Variants in ACAN observed in about 807,000 individuals in gnomAD.
ACAN encodes aggrecan.
Under a neutral mutation model 169.1 loss-of-function variants are expected in ACAN, and 47 were observed. The ratio of observed to expected loss-of-function variants is 0.28; its 90% CI spans 0.22 to 0.35. The LOEUF is 0.35. Among genes scored for constraint, ACAN ranks in the 10% least tolerant of loss-of-function variants. ACAN has a pLI of 1.00. For synonymous variants in ACAN, 1,115 were observed against 1,112.2 expected (o/e 1.00, Z -0.05); for missense variants, 2,716 against 2,759.9 (o/e 0.98, Z 0.36).
Position 88,841,773 on chromosome 15 carries a change from T to C in ACAN, c.663T>C (p.Tyr221=), listed in dbSNP as rs770071513. ...YPIHTPREGC[Y]GDKDEFPGVR... is the part of the protein sequence containing the mutation. ...TCCACACTCCCCGGGAAGGCTGCTATGGAGACAAGGATGAGTTTCCTGGTG... is the reference window on the plus strand; with the variant it reads ...TCCACACTCCCCGGGAAGGCTGCTACGGAGACAAGGATGAGTTTCCTGGTG... Residue 221 remains tyrosine, a synonymous_variant, in exon 5 of 19, where the codon TAT becomes TAC. Transcript: ENST00000560601. 10 of 1,613,626 alleles carry C rather than the reference T, an allele frequency of 6.2e-6. No individual in the cohort carries two copies. The highest frequency in any genetic ancestry group is 1.1e-5 in the South Asian group (1 of 91,034).
At chr15:88,827,264 A>G (rs1328196863) in intron 1 of ACAN, among the ~76,000 whole-genome samples, 1 of 152,208 alleles carries the variant, frequency 6.6e-6, no homozygotes, top group Non-Finnish European at 1.5e-5. Context: ...CTTCCTTTAC[A>G]GTCCACAGTT....
Position 88,872,168 on chromosome 15 carries a change from C to A in ACAN, c.7302+83C>A. The stretch of plus-strand genomic sequence containing the variant: ...CCCTGGAGAGAGATGCATTCAAACC[C>A]CATGCAGACAGCCGCTTACCAGCTG... On this transcript the variant is annotated intron_variant, in intron 16 of 18. Coordinates refer to ENST00000560601, the MANE Select transcript of ACAN (RefSeq NM_001369268.1). This position sits in a 1 kb window ranked among gnomAD's most constrained non-coding sequence, Gnocchi z 5.4. 1 of 1,210,488 alleles carries A rather than the reference C, an allele frequency of 8.3e-7. No homozygotes were observed. Among genetic ancestry groups the A allele is most frequent in the Non-Finnish European group, 1.2e-6 (1 of 820,386 alleles). 75.0% of individuals were successfully genotyped at this position (1,210,488 alleles called of 1,614,324 possible).
At position 88,861,083 on chromosome 15, in the gene ACAN, C is replaced by T. The variant is rs143127748; in HGVS notation, c.6946+644C>T. On this transcript the variant is annotated intron_variant, in intron 13 of 18. Transcript: ENST00000560601. The surrounding 1 kb of genome is among the most constrained non-coding windows in gnomAD (Gnocchi z 6.3). ...TGGGGACCCTCTGATCTGAGGTGGA[C>T]CCCGGAAGGAGATGGTTAGAATCTA... Among the ~76,000 whole-genome samples the T allele has an allele frequency of 2.6e-3, 399 of 152,240 alleles. 3 individuals are homozygous for T. The highest frequency in any genetic ancestry group is 4.4e-3 in the Non-Finnish European group (297 of 68,008).
intron 1 of ACAN, among the ~76,000 whole-genome samples, chr15:88,804,571 G>T (rs892263217): frequency 6.6e-6 from 1 of 152,194 alleles, no homozygotes. Flanking sequence ...CCGTCTGTGG[G>T]TTCCTCTTCA....
At chr15:88,819,600 C>CA (rs35471694) in intron 1 of ACAN, among the ~76,000 whole-genome samples, 26,747 of 110,988 alleles carry the variant, frequency 0.24, 3,780 homozygotes, top group African/African-American at 0.43. Context: ...CTCGTCTCTA[C>CA]AAAAAAAAAA....
At chr15:88,846,634 A>G (rs58249085) in intron 7 of ACAN, among the ~76,000 whole-genome samples, 4,146 of 152,308 alleles carry the variant, frequency 0.027, 194 homozygotes, top group African/African-American at 0.095. Flanking sequence ...CAACAATACA[A>G]CAATAAAAGT....
chr15:88,813,111 T>G (rs887712082), intron 1 of ACAN, among the ~76,000 whole-genome samples: 1 of 152,250 alleles, frequency 6.6e-6, no homozygotes, highest in African/African-American at 2.4e-5. Context: ...GAGCCCCATC[T>G]GTCTTGGTCA....
At chr15:88,840,581 G>A (rs979682641) in intron 4 of ACAN, among the ~76,000 whole-genome samples, 1 of 152,056 alleles carries the variant, frequency 6.6e-6, no homozygotes, top group African/African-American at 2.4e-5. Context: ...CCTTCCCTGA[G>A]CGTAGTTGCT....
At chr15:88,828,857 AC>A (rs1896291216) in intron 1 of ACAN, among the ~76,000 whole-genome samples, 1 of 152,092 alleles carries the variant, frequency 6.6e-6, no homozygotes, top group South Asian at 2.1e-4. Context: ...CAAGGTTAGG[AC>A]CCAGAGCCGA....
At chr15:88,818,978 A>G (rs145402672) in intron 1 of ACAN, among the ~76,000 whole-genome samples, 14 of 152,388 alleles carry the variant, frequency 9.2e-5, no homozygotes, top group African/African-American at 3.1e-4. Context: ...AAGGAAAGGT[A>G]GCTTCCTAGT....
chr15:88,826,375 T>C (rs1361944795), intron 1 of ACAN, among the ~76,000 whole-genome samples: 1 of 47,964 alleles, frequency 2.1e-5, no homozygotes, highest in Non-Finnish European at 4.2e-5. Flanking sequence ...CTTTTTTTTC[T>C]TTTTTTTTTT....
At chr15:88,864,730 A>C (rs943367948) in intron 13 of ACAN, among the ~76,000 whole-genome samples, 1 of 152,192 alleles carries the variant, frequency 6.6e-6, no homozygotes, top group Admixed American at 6.5e-5. Flanking sequence ...CAGAGCATCC[A>C]TTGAATTGAG....
At chr15:88,852,855 G>C (rs938672641) in intron 11 of ACAN, among the ~76,000 whole-genome samples, 1 of 152,222 alleles carries the variant, frequency 6.6e-6, no homozygotes, top group African/African-American at 2.4e-5. Context: ...ATACCTGGTA[G>C]AGTCAGTTTC....
At chr15:88,815,656 T>TAAAAAAA (rs58267198) in intron 1 of ACAN, among the ~76,000 whole-genome samples, 6 of 54,212 alleles carry the variant, frequency 1.1e-4, no homozygotes, top group African/African-American at 4.3e-4. Flanking sequence ...CTGCACTGAT[T>TAAAAAAA]AAAAAAAAAA....
chr15:88,841,100 G>C (rs1016070721), intron 4 of ACAN, among the ~76,000 whole-genome samples: 4 of 152,314 alleles, frequency 2.6e-5, no homozygotes, highest in Non-Finnish European at 5.9e-5. Flanking sequence ...AGCCGAGATC[G>C]CGCCACTGCA....
rs1466681217 is a variant in ACAN at position 88,874,606 on chromosome 15, A to C, written c.*125A>C. 2 of 950,188 alleles carry C rather than the reference A, an allele frequency of 2.1e-6. No homozygotes were observed. Among genetic ancestry groups the C allele is most frequent in the East Asian group, 2.6e-5 (1 of 37,882 alleles). 58.9% of individuals were successfully genotyped at this position (950,188 alleles called of 1,614,324 possible). ...ATATAAGGAATCCCATTAAAGAAGG[A>C]AAAAAATAAATCCCACATTTGTGTA... On this transcript the variant is annotated 3_prime_UTR_variant, in exon 19 of 19. Coordinates refer to ENST00000560601, the MANE Select transcript of ACAN (RefSeq NM_001369268.1). The surrounding 1 kb of genome is among the most constrained non-coding windows in gnomAD (Gnocchi z 7.3).
At position 88,838,938 on chromosome 15, in the gene ACAN, G is replaced by C; in HGVS notation, c.346G>C (p.Ala116Pro). ...LPNYPAIPSD[A>P]TLEVQSLRSN... is the part of the protein sequence containing the mutation. Reference sequence around the variant, plus strand: ...CAACTACCCGGCCATCCCCAGTGACGCCACCTTGGAAGTCCAGAGCCTGCG... The same window carrying C: ...CAACTACCCGGCCATCCCCAGTGACCCCACCTTGGAAGTCCAGAGCCTGCG... The change falls in exon 3 of 19, where the codon GCC becomes CCC. Residue 116 changes from alanine (A) to proline (P), a missense_variant. Physicochemically the swap from Ala to Pro is conservative, Grantham distance 27 (BLOSUM62 -1). Transcript: ENST00000560601. The surrounding 1 kb of genome is among the most constrained non-coding windows in gnomAD (Gnocchi z 5.1). The C allele has an allele frequency of 6.2e-7, 1 of 1,613,904 alleles. No individual in the cohort carries two copies. Among genetic ancestry groups the C allele is most frequent in the Non-Finnish European group, 8.5e-7 (1 of 1,179,902 alleles).
intron 13 of ACAN, among the ~76,000 whole-genome samples, chr15:88,862,680 A>G (rs1239385587): frequency 6.6e-6 from 1 of 152,132 alleles, no homozygotes; most frequent in Admixed American, 6.6e-5. Context: ...TTGCACCACA[A>G]TCAGGAACTA....
At chr15:88,821,190 A>G (rs1486700380) in intron 1 of ACAN, among the ~76,000 whole-genome samples, 1 of 152,162 alleles carries the variant, frequency 6.6e-6, no homozygotes, top group Non-Finnish European at 1.5e-5. Context: ...CAGCCAAACT[A>G]TATCAGTGGC....
Sources: allele counts gnomAD v4.1 joint callset (sites outside exome capture counted in the v4.1 genomes callset), GRCh38; gene constraint gnomAD v4.1.1; non-coding constraint Gnocchi (gnomAD v3.1); transcripts MANE v1.5; gene names NCBI Gene and HGNC (gene_info 2026-07-23, HGNC 2026-07-21).